Variants in GAB1 observed in about 807,000 individuals in gnomAD.
GAB1 encodes the protein GRB2 associated binding protein 1.
A neutral mutation model predicts 66.5 loss-of-function variants in GAB1; 19 were observed. The observed-to-expected ratio is 0.29, with a 90% CI of 0.20 to 0.42. GAB1 has a LOEUF of 0.42. Ranked by LOEUF, GAB1 falls within the 10% of genes least tolerant of loss-of-function variation. The pLI is 1.00. For synonymous variants in GAB1, 294 were observed against 301.4 expected (o/e 0.98, Z 0.25); for missense variants, 732 against 858.5 (o/e 0.85, Z 1.84).
At chr4:143,351,361 C>T (rs925792418) in intron 1 of GAB1, among the ~76,000 whole-genome samples, 1 of 152,194 alleles carries the variant, frequency 6.6e-6, no homozygotes, top group Non-Finnish European at 1.5e-5. Flanking sequence ...TGACTCTTCT[C>T]CAGCTTCTCC....
chr4:143,415,456 A>G, intron 1 of GAB1, 21 bp from the exon 2 acceptor site: 1 of 1,559,944 alleles, frequency 6.4e-7, no homozygotes, highest in Non-Finnish European at 8.7e-7. Context: ...TACTGAATGG[A>G]TATTTTTGTT....
intron 1 of GAB1, among the ~76,000 whole-genome samples, chr4:143,389,442 G>C (rs112725495): frequency 9.9e-5 from 15 of 152,118 alleles, no homozygotes; most frequent in African/African-American, 3.6e-4. Context: ...GTGTGGTCGG[G>C]AGTTGAACCT....
chr4:143,456,183 C>G (rs901766233), intron 6 of GAB1, among the ~76,000 whole-genome samples: 2 of 152,158 alleles, frequency 1.3e-5, no homozygotes, highest in African/African-American at 4.8e-5. Context: ...CGTAGCCGGG[C>G]GCGGTGGCTT....
At chr4:143,406,954 A>G (rs953203517) in intron 1 of GAB1, among the ~76,000 whole-genome samples, 2 of 152,222 alleles carry the variant, frequency 1.3e-5, no homozygotes, top group Non-Finnish European at 2.9e-5. Context: ...TAGAATTAAT[A>G]CAGCCATGAG....
chr4:143,367,729 T>G (rs1285440892), intron 1 of GAB1, among the ~76,000 whole-genome samples: 2 of 145,902 alleles, frequency 1.4e-5, no homozygotes, highest in African/African-American at 2.6e-5. Flanking sequence ...GTTTTTTTTT[T>G]TTTTTTTTTT....
At chr4:143,360,958 C>G (rs1040332809) in intron 1 of GAB1, among the ~76,000 whole-genome samples, 1 of 152,254 alleles carries the variant, frequency 6.6e-6, no homozygotes, top group East Asian at 1.9e-4. Flanking sequence ...TCAAAACTTA[C>G]ATTTTTTAAT....
At chr4:143,459,795 A>G (rs1164047225) in intron 7 of GAB1, among the ~76,000 whole-genome samples, 1 of 152,168 alleles carries the variant, frequency 6.6e-6, no homozygotes, top group Non-Finnish European at 1.5e-5. Flanking sequence ...CATCTCTAAT[A>G]TGGCAAAATT....
At chr4:143,403,305 A>G (rs1034550593) in intron 1 of GAB1, among the ~76,000 whole-genome samples, 2 of 152,188 alleles carry the variant, frequency 1.3e-5, no homozygotes, top group African/African-American at 4.8e-5. Flanking sequence ...GCATTAAATC[A>G]TGCATATACA....
intron 2 of GAB1, among the ~76,000 whole-genome samples, chr4:143,422,578 A>G (rs1305673784): frequency 3.9e-5 from 6 of 152,230 alleles, no homozygotes; most frequent in Non-Finnish European, 7.4e-5. Context: ...TCTTTAAGTA[A>G]TTATTTTGAA....
chr4:143,420,315 T>C (rs1213136345), intron 2 of GAB1, among the ~76,000 whole-genome samples: 1 of 152,034 alleles, frequency 6.6e-6, no homozygotes, highest in African/African-American at 2.4e-5. Flanking sequence ...TCTAAGAAAA[T>C]AACTGTCCCC....
intron 2 of GAB1, among the ~76,000 whole-genome samples, chr4:143,420,362 A>C (rs1366480657): frequency 6.6e-6 from 1 of 152,126 alleles, no homozygotes; most frequent in Non-Finnish European, 1.5e-5. Flanking sequence ...CCCTGAAAAC[A>C]AAAGGAAAAG....
chr4:143,436,287 C>A (rs545934288), intron 3 of GAB1, among the ~76,000 whole-genome samples: 14 of 152,058 alleles, frequency 9.2e-5, no homozygotes, highest in Non-Finnish European at 2.1e-4. Context: ...GGAGGAGAGC[C>A]TCTTGAAGAA....
At chr4:143,412,144 G>A (rs1732425342) in intron 1 of GAB1, among the ~76,000 whole-genome samples, 1 of 152,124 alleles carries the variant, frequency 6.6e-6, no homozygotes, top group Admixed American at 6.6e-5. Context: ...GTAACAATGT[G>A]ATTTCAACAG....
intron 3 of GAB1, among the ~76,000 whole-genome samples, chr4:143,434,685 A>G (rs908240795): frequency 1.3e-5 from 2 of 152,106 alleles, no homozygotes; most frequent in South Asian, 2.1e-4. Flanking sequence ...GTAGAAGTAT[A>G]TGGAGTGCAG....
intron 1 of GAB1, among the ~76,000 whole-genome samples, chr4:143,370,740 G>T (rs1730085097): frequency 6.6e-6 from 1 of 152,040 alleles, no homozygotes; most frequent in Non-Finnish European, 1.5e-5. Context: ...GATGTTCCCT[G>T]CCCTGTGTCC....
intron 1 of GAB1, among the ~76,000 whole-genome samples, chr4:143,366,504 G>T (rs1729885907): frequency 6.6e-6 from 1 of 152,138 alleles, no homozygotes; most frequent in Admixed American, 6.5e-5. Flanking sequence ...ATATATGGGT[G>T]TTGGGATTGC....
At chr4:143,377,345 TG>T (rs966566607) in intron 1 of GAB1, among the ~76,000 whole-genome samples, 1 of 152,158 alleles carries the variant, frequency 6.6e-6, no homozygotes, top group African/African-American at 2.4e-5. Flanking sequence ...TGGCTTTTGT[TG>T]GGGGGAGGGT....
At chr4:143,446,446 C>A (rs1734540897) in intron 6 of GAB1, among the ~76,000 whole-genome samples, 1 of 151,064 alleles carries the variant, frequency 6.6e-6, no homozygotes, top group Admixed American at 6.6e-5. Context: ...CACATCCTCT[C>A]CAGCACCTGT....
chr4:143,408,952 G>A (rs1479607272), intron 1 of GAB1, among the ~76,000 whole-genome samples: 1 of 152,200 alleles, frequency 6.6e-6, no homozygotes, highest in Non-Finnish European at 1.5e-5. Context: ...GTTGGCTCAG[G>A]AATGTAGAAA....
Sources: gnomAD v4.1 joint callset for allele counts (sites outside exome capture counted in the v4.1 genomes callset) on GRCh38, gnomAD v4.1.1 for gene constraint, MANE v1.5 for transcripts, NCBI Gene and HGNC (gene_info 2026-07-23, HGNC 2026-07-21) for gene names.